VRK1: variants seen among roughly 807,000 people sequenced by gnomAD.
VRK1 encodes the protein VRK serine/threonine kinase 1.
VRK1 carries 33 observed loss-of-function variants against 57.1 expected under a neutral mutation model. The observed-to-expected ratio is 0.58, with a 90% CI of 0.44 to 0.77. VRK1 has a LOEUF of 0.77. Ranked by LOEUF, VRK1 falls within the 30% of genes least tolerant of loss-of-function variation. The pLI is 0.00. For synonymous variants in VRK1, 137 were observed against 147.8 expected, an observed-to-expected ratio of 0.93 and a Z score of 0.53; for missense variants, 413 against 477.3, an observed-to-expected ratio of 0.87 and a Z score of 1.25.
chr14:96,808,554 C>A (rs146221002), intron 1 of VRK1, among the ~76,000 whole-genome samples: 1 of 152,082 alleles, frequency 6.6e-6, no homozygotes, highest in Non-Finnish European at 1.5e-5. Context: ...GGATATCTTG[C>A]AGACAGTAGT....
At chr14:96,881,027 C>A in intron 12 of VRK1, 150 bp from the exon 13 acceptor site, 1 of 680,218 alleles carries the variant, frequency 1.5e-6, no homozygotes, top group Non-Finnish European at 2.4e-6. Context: ...AGCAATCATA[C>A]CTTTGTATGT....
chr14:96,870,897 A>T (rs1156949148), intron 11 of VRK1, among the ~76,000 whole-genome samples: 2 of 152,282 alleles, frequency 1.3e-5, no homozygotes, highest in East Asian at 3.9e-4. Flanking sequence ...GCCAAGCTGA[A>T]GGGACATACA....
rs576467714 is a variant in VRK1 at position 96,846,740 on chromosome 14, A to G, written c.287-517A>G. Among the ~76,000 whole-genome samples the G allele has an allele frequency of 1.7e-4, 26 of 151,996 alleles. No homozygotes were observed. In the South Asian group the frequency reaches 5.2e-3, roughly 30 times the overall value. On this transcript the variant is annotated intron_variant, in intron 4 of 12. Transcript: ENST00000216639. ...AAAAAAAAAAAAGCTACAATAAAAA[A>G]TAACAATTCAATAATAAAAAATAAT...
At chr14:96,871,392 A>G (rs893394844) in intron 11 of VRK1, among the ~76,000 whole-genome samples, 4 of 138,236 alleles carry the variant, frequency 2.9e-5, no homozygotes, top group African/African-American at 1.0e-4. Flanking sequence ...CTGTGATGTA[A>G]TGTGTGTGTT....
chr14:96,847,679 A>C (rs1887767125), intron 5 of VRK1, among the ~76,000 whole-genome samples: 2 of 152,046 alleles, frequency 1.3e-5, no homozygotes, highest in South Asian at 4.2e-4. Flanking sequence ...ACAAACAAAA[A>C]CGCCTCTGTT....
intron 1 of VRK1, among the ~76,000 whole-genome samples, chr14:96,817,437 G>C (rs942201506): frequency 6.6e-6 from 1 of 151,440 alleles, no homozygotes; most frequent in Non-Finnish European, 1.5e-5. Flanking sequence ...TATGGCTTGC[G>C]TGTTTTGTGT....
intron 1 of VRK1, among the ~76,000 whole-genome samples, chr14:96,825,539 A>G (rs1463364489): frequency 2.0e-5 from 3 of 152,212 alleles, no homozygotes; most frequent in Non-Finnish European, 2.9e-5. Flanking sequence ...CTCATATACG[A>G]GGAGCTTATA....
In VRK1 at chr14:96,852,809, G is replaced by T. The variant is rs186980733; in HGVS notation, c.375-22G>T. 19 of 1,596,738 alleles carry T rather than the reference G, an allele frequency of 1.2e-5. No homozygotes were observed. In the East Asian group the frequency reaches 4.2e-4, roughly 36 times the overall value. ...TTTCTTGCATTGTATTTTGTTCATT[G>T]GCTTTTCATATTTGTCTTCAGTTAC... On this transcript the variant is annotated intron_variant, in intron 5 of 12. Coordinates refer to ENST00000216639, the MANE Select transcript of VRK1 (RefSeq NM_003384.3).
chr14:96,858,045 T>C (rs1290252440), intron 10 of VRK1, among the ~76,000 whole-genome samples: 1 of 152,128 alleles, frequency 6.6e-6, no homozygotes, highest in African/African-American at 2.4e-5. Flanking sequence ...TCATCCCCAT[T>C]ATCGCATGTT....
At chr14:96,864,804 G>A (rs906891272) in intron 11 of VRK1, among the ~76,000 whole-genome samples, 3 of 151,480 alleles carry the variant, frequency 2.0e-5, no homozygotes, top group African/African-American at 2.4e-5. Flanking sequence ...GCACTGATTT[G>A]TTTATGGTTT....
At chr14:96,870,768 A>G (rs1888790201) in intron 11 of VRK1, among the ~76,000 whole-genome samples, 1 of 152,202 alleles carries the variant, frequency 6.6e-6, no homozygotes, top group Non-Finnish European at 1.5e-5. Context: ...GTACTCTTGT[A>G]GATCATGTAA....
chr14:96,853,291 T>G, intron 7 of VRK1, 125 bp downstream of exon 7: 1 of 790,544 alleles, frequency 1.3e-6, no homozygotes. Flanking sequence ...ATAATATTTC[T>G]TCTTGACACT....
chr14:96,841,151 C>T lies in VRK1; in HGVS notation c.216+3334C>T, dbSNP rs577608554. On this transcript the variant is annotated intron_variant, in intron 3 of 12. Transcript: ENST00000216639. ...GGGGTTACAGGCATGAGCCATGGCACATGGCCTCTGAACTTAAGTTGTATT... is the reference window on the plus strand; with the variant it reads ...GGGGTTACAGGCATGAGCCATGGCATATGGCCTCTGAACTTAAGTTGTATT... Among the ~76,000 whole-genome samples the T allele has an allele frequency of 7.7e-4, 118 of 152,268 alleles. 2 individuals are homozygous for T. In the South Asian group the frequency reaches 0.024, roughly 30 times the overall value.
At chr14:96,817,084 T>A (rs1173565582) in intron 1 of VRK1, among the ~76,000 whole-genome samples, 1 of 152,208 alleles carries the variant, frequency 6.6e-6, no homozygotes, top group Non-Finnish European at 1.5e-5. Flanking sequence ...ACAAACAAAT[T>A]GGCCATGTGT....
intron 1 of VRK1, among the ~76,000 whole-genome samples, chr14:96,809,247 G>T (rs1886058619): frequency 1.3e-5 from 2 of 152,140 alleles, no homozygotes; most frequent in Admixed American, 1.3e-4. Context: ...ATACTCTATT[G>T]GTTGACAAAG....
chr14:96,827,239 C>G (rs1366756652), intron 1 of VRK1, among the ~76,000 whole-genome samples: 1 of 151,862 alleles, frequency 6.6e-6, no homozygotes, highest in Non-Finnish European at 1.5e-5. Context: ...CAAATTCACC[C>G]CTTTTTGCTC....
chr14:96,877,809 C>T (rs1016104034), intron 12 of VRK1: 11 of 460,086 alleles, frequency 2.4e-5, no homozygotes, highest in Admixed American at 6.4e-5. Context: ...GAGCATCAAG[C>T]GTTTTTGTTT....
At chr14:96,850,041 C>T (rs1343784419) in intron 5 of VRK1, among the ~76,000 whole-genome samples, 1 of 152,154 alleles carries the variant, frequency 6.6e-6, no homozygotes, top group Non-Finnish European at 1.5e-5. Flanking sequence ...AGTCTTAACT[C>T]ACCACTTACT....
intron 3 of VRK1, among the ~76,000 whole-genome samples, chr14:96,840,788 G>T (rs1411745136): frequency 6.6e-6 from 1 of 151,920 alleles, no homozygotes; most frequent in African/African-American, 2.4e-5. Context: ...TGGAAGGAAA[G>T]TGTGCCAGTG....
Sources: allele counts gnomAD v4.1 joint callset (sites outside exome capture counted in the v4.1 genomes callset), GRCh38; gene constraint gnomAD v4.1.1; transcripts MANE v1.5; gene names NCBI Gene and HGNC (gene_info 2026-07-23, HGNC 2026-07-21).